PYHIN1: variants seen among roughly 807,000 people sequenced by gnomAD.
PYHIN1 encodes pyrin and HIN domain-containing protein 1.
In PYHIN1, 32 loss-of-function variants were observed where a neutral mutation model predicts 43.7. The ratio of observed to expected loss-of-function variants is 0.73; its 90% CI spans 0.55 to 0.98. The LOEUF (loss-of-function observed/expected upper bound fraction) is 0.98, where lower values mean the gene tolerates loss of function less well. Among genes scored for constraint, PYHIN1 ranks in the 50% least tolerant of loss-of-function variants. The pLI is 0.00. For missense variants in PYHIN1, 588 were observed against 589.5 expected (o/e 1.00, Z 0.03); for synonymous variants, 205 against 203.1 (o/e 1.01, Z -0.08).
At chr1:158,966,057 C>T (rs1273524708) in intron 7 of PYHIN1, among the ~76,000 whole-genome samples, 1 of 152,044 alleles carries the variant, frequency 6.6e-6, no homozygotes, top group Non-Finnish European at 1.5e-5. Flanking sequence ...ACCACTGACC[C>T]CACAGAAATA....
At chr1:158,932,459 A>T (rs1262174962) in intron 1 of PYHIN1, among the ~76,000 whole-genome samples, 1 of 152,170 alleles carries the variant, frequency 6.6e-6, no homozygotes, top group Non-Finnish European at 1.5e-5. Context: ...CTAAAATGAA[A>T]GTAGAAGATA....
intron 7 of PYHIN1, among the ~76,000 whole-genome samples, chr1:158,972,719 T>G (rs1350139138): frequency 1.3e-5 from 2 of 152,082 alleles, no homozygotes; most frequent in African/African-American, 2.4e-5. Context: ...CTCCTATTCC[T>G]TCACTGGCCT....
intron 7 of PYHIN1, among the ~76,000 whole-genome samples, chr1:158,953,159 G>T (rs1300954457): frequency 6.6e-6 from 1 of 150,984 alleles, no homozygotes; most frequent in African/African-American, 2.4e-5. Context: ...CTGCAAGGCA[G>T]CAGTGAGGCT....
downstream of PYHIN1, among the ~76,000 whole-genome samples, chr1:158,979,840 G>A (rs749418384): frequency 6.6e-6 from 1 of 152,120 alleles, no homozygotes; most frequent in African/African-American, 2.4e-5. Flanking sequence ...TAGGTAGTAA[G>A]CACAGTACCT....
At chr1:158,983,975 C>T in the PYHIN1 span, among the ~76,000 whole-genome samples, 1 of 147,384 alleles carries the variant, frequency 6.8e-6, no homozygotes. Context: ...CTGTGGGTTC[C>T]ATGGTAATGT....
Position 158,976,716 on chromosome 1 carries a change from G to A in PYHIN1, c.*21G>A, listed in dbSNP as rs1169952809. 82 of 1,602,300 alleles carry A rather than the reference G, an allele frequency of 5.1e-5. No individual in the cohort carries two copies. Among genetic ancestry groups the A allele is most frequent in the Non-Finnish European group, 6.5e-5 (76 of 1,174,124 alleles). On this transcript the variant is annotated 3_prime_UTR_variant, in exon 9 of 9. Transcript: ENST00000368140. ...ATGCTTCAAGGTCACCAAGGACAAG[G>A]ATATCAAATAACTACTGTTCAATCT... is the stretch of plus-strand genomic sequence containing the variant.
chr1:158,990,706 C>G, the PYHIN1 span, among the ~76,000 whole-genome samples: 1 of 152,116 alleles, frequency 6.6e-6, no homozygotes, highest in Non-Finnish European at 1.5e-5. Flanking sequence ...TGTTTACCAC[C>G]ACTCTACTCT....
chr1:158,958,662 C>T (rs533362324), intron 7 of PYHIN1, among the ~76,000 whole-genome samples: 46 of 148,044 alleles, frequency 3.1e-4, no homozygotes, highest in African/African-American at 9.3e-4. Context: ...TGGTAGATGA[C>T]GAGTTAGTGG....
intron 6 of PYHIN1, among the ~76,000 whole-genome samples, 191 bp from the exon 7 acceptor site, chr1:158,944,684 T>C (rs563322818): frequency 4.1e-4 from 63 of 152,316 alleles, no homozygotes; most frequent in African/African-American, 1.4e-3. Flanking sequence ...TTACTAAGAA[T>C]GTTAGATCAT....
chr1:158,984,503 TGA>T, the PYHIN1 span, among the ~76,000 whole-genome samples: 1 of 152,182 alleles, frequency 6.6e-6, no homozygotes, highest in African/African-American at 2.4e-5. Flanking sequence ...CACTGTGATC[TGA>T]GAGTGTGGTT....
the PYHIN1 span, among the ~76,000 whole-genome samples, chr1:158,986,299 T>A: frequency 6.6e-6 from 1 of 152,166 alleles, no homozygotes; most frequent in Non-Finnish European, 1.5e-5. Flanking sequence ...TTCTTTGATG[T>A]CCTTGAGTGT....
At chr1:158,982,929 G>A in the PYHIN1 span, among the ~76,000 whole-genome samples, 10 of 152,104 alleles carry the variant, frequency 6.6e-5, no homozygotes, top group East Asian at 1.7e-3. Flanking sequence ...TTCTTGGTTT[G>A]GCTTTCAGCT....
At chr1:158,978,214 T>C (rs1651360110), downstream of PYHIN1, among the ~76,000 whole-genome samples, 1 of 152,078 alleles carries the variant, frequency 6.6e-6, no homozygotes, top group African/African-American at 2.4e-5. Context: ...ATAAGTTTTT[T>C]CAGACATTCT....
Position 158,934,139 on chromosome 1 carries a change from T to C in PYHIN1, c.-21+2363T>C, listed in dbSNP as rs533801275. ...TGTTTTGAAAATCAGAACTTGGAGGTTTATAAAGATTACTTAATGCACATT... is the reference window on the plus strand; with the variant it reads ...TGTTTTGAAAATCAGAACTTGGAGGCTTATAAAGATTACTTAATGCACATT... On this transcript the variant is annotated intron_variant, in intron 1 of 8. Coordinates refer to ENST00000368140, the MANE Select transcript of PYHIN1 (RefSeq NM_152501.5). Among the ~76,000 whole-genome samples, 10 of 152,124 alleles carry C rather than the reference T, an allele frequency of 6.6e-5. No individual in the cohort carries two copies. The South Asian group carries it at 2.1e-3, about 32-fold the overall frequency.
intron 8 of PYHIN1, among the ~76,000 whole-genome samples, chr1:158,974,928 A>G (rs1179735399): frequency 6.6e-6 from 1 of 151,888 alleles, no homozygotes; most frequent in African/African-American, 2.4e-5. Flanking sequence ...AAAAGAACTT[A>G]TTTTTCCTGC....
At chr1:158,953,737 C>G (rs1649735791) in intron 7 of PYHIN1, among the ~76,000 whole-genome samples, 1 of 152,170 alleles carries the variant, frequency 6.6e-6, no homozygotes, top group Non-Finnish European at 1.5e-5. Flanking sequence ...AGCAACGGAA[C>G]AAAGCTGGAT....
chr1:158,976,713 A>G lies in PYHIN1; in HGVS notation c.*18A>G, dbSNP rs111674236. 1.2e-5 allele frequency: 19 copies of G among 1,601,460 alleles called. 1 individual carries two copies. In the African/African-American group the frequency reaches 1.3e-4, roughly 11 times the overall value. ...TTTATGCTTCAAGGTCACCAAGGACAAGGATATCAAATAACTACTGTTCAA... is the reference window on the plus strand; with the variant it reads ...TTTATGCTTCAAGGTCACCAAGGACGAGGATATCAAATAACTACTGTTCAA... On this transcript the variant is annotated 3_prime_UTR_variant, in exon 9 of 9. Transcript: ENST00000368140.
intron 7 of PYHIN1, among the ~76,000 whole-genome samples, chr1:158,970,142 G>A (rs1156343617): frequency 1.3e-5 from 2 of 152,012 alleles, no homozygotes; most frequent in Non-Finnish European, 2.9e-5. Context: ...AGAATGGCAT[G>A]AGTCATGATC....
chr1:158,952,897 G>A (rs985872362), intron 7 of PYHIN1, among the ~76,000 whole-genome samples: 4 of 152,310 alleles, frequency 2.6e-5, no homozygotes, highest in Non-Finnish European at 2.9e-5. Flanking sequence ...GTGGGTGCAC[G>A]CACCATGCGC....
Sources: allele counts gnomAD v4.1 joint callset (sites outside exome capture counted in the v4.1 genomes callset), GRCh38; gene constraint gnomAD v4.1.1; transcripts MANE v1.5; gene names NCBI Gene and HGNC (gene_info 2026-07-23, HGNC 2026-07-21).